The following CHSY1 variants were observed in gnomAD, a reference collection of about 807,000 sequenced individuals.
The protein encoded by CHSY1 is N-acetylgalactosaminyl-proteoglycan 3-beta-glucuronosyltransferase 1.
Under a neutral mutation model 59.8 loss-of-function variants are expected in CHSY1, and 13 were observed. That is an observed-to-expected ratio of 0.22 (90% CI 0.14 to 0.35). The LOEUF is 0.35. CHSY1 is among the 10% of genes least tolerant of loss of function. The pLI is 1.00. For missense variants in CHSY1, 947 were observed against 1,030.6 expected (o/e 0.92, Z 1.11); for synonymous variants, 459 against 401.2 (o/e 1.14, Z -1.72).
At chr15:101,203,597 A>G (rs913142617) in intron 2 of CHSY1, among the ~76,000 whole-genome samples, 1 of 152,198 alleles carries the variant, frequency 6.6e-6, no homozygotes, top group Non-Finnish European at 1.5e-5. Flanking sequence ...ATATTTCCCT[A>G]TAAGGTATTT....
At chr15:101,209,921 A>G (rs2038667449) in intron 2 of CHSY1, among the ~76,000 whole-genome samples, 1 of 152,250 alleles carries the variant, frequency 6.6e-6, no homozygotes, top group African/African-American at 2.4e-5. Flanking sequence ...TACAAAAAGT[A>G]TACAAGTGCC....
intron 1 of CHSY1, among the ~76,000 whole-genome samples, chr15:101,248,127 C>G (rs1285514578): frequency 6.6e-6 from 1 of 152,150 alleles, no homozygotes; most frequent in Non-Finnish European, 1.5e-5. Context: ...AAGCTCAGCA[C>G]ATCGATTTCC....
chr15:101,239,384 A>C lies in CHSY1; in HGVS notation c.321-3807T>G, dbSNP rs545719448. Reference sequence around the variant, plus strand: ...GCGAGACAATTCCTGCCTTCAAAGAACAACCAACTAAGGAGGCGAATCTAC... The same window carrying C: ...GCGAGACAATTCCTGCCTTCAAAGACCAACCAACTAAGGAGGCGAATCTAC... On this transcript the variant is annotated intron_variant, in intron 1 of 2. Coordinates refer to ENST00000254190, the MANE Select transcript of CHSY1 (RefSeq NM_014918.5). Among the ~76,000 whole-genome samples, 3 of 152,342 alleles carry C rather than the reference A, an allele frequency of 2.0e-5. No homozygotes were observed. In the East Asian group the frequency reaches 5.8e-4, roughly 29 times the overall value.
At chr15:101,186,607 G>C (rs560861794) in intron 2 of CHSY1, 2 of 151,886 alleles carry the variant, frequency 1.3e-5, no homozygotes, top group Admixed American at 1.3e-4. Flanking sequence ...GATTCAAGAT[G>C]AGCTTGGGCA....
In CHSY1 at chr15:101,177,937, C is replaced by T; in HGVS notation, c.1860G>A (p.Gln620=). 1.9e-6 allele frequency: 3 copies of T among 1,614,194 alleles called. No individual in the cohort carries two copies. The highest frequency in any genetic ancestry group is 2.2e-5 in the East Asian group (1 of 44,882). The stretch of plus-strand genomic sequence containing the variant: ...AGAAGAGCAAAGATTCATTGTTAAA[C>T]TGGGAGGATCCTACTTCCAGGGCCA... The part of the protein sequence containing the change: ...RALALEVGSS[Q]FNNESLLFFC... The change falls in exon 3 of 3, where the codon CAG becomes CAA. Residue 620 remains glutamine (Q), a synonymous_variant. Transcript: ENST00000254190.
At chr15:101,209,085 AAGAC>A (rs2038657388) in intron 2 of CHSY1, among the ~76,000 whole-genome samples, 1 of 152,178 alleles carries the variant, frequency 6.6e-6, no homozygotes, top group South Asian at 2.1e-4. Flanking sequence ...TAAATATAAA[AAGAC>A]AGAGAGTAAC....
intron 2 of CHSY1, among the ~76,000 whole-genome samples, chr15:101,216,406 G>A (rs910164748): frequency 6.6e-6 from 1 of 152,190 alleles, no homozygotes; most frequent in Non-Finnish European, 1.5e-5. Context: ...TTACCCAACT[G>A]ATTTAAAAAT....
At chr15:101,220,949 G>C (rs994239254) in intron 2 of CHSY1, among the ~76,000 whole-genome samples, 2 of 152,148 alleles carry the variant, frequency 1.3e-5, no homozygotes, top group Non-Finnish European at 2.9e-5. Flanking sequence ...TATCATGCTT[G>C]TATTGCTTCA....
At chr15:101,189,633 C>G (rs140740326) in intron 2 of CHSY1, 1 of 188,708 alleles carries the variant, frequency 5.3e-6, no homozygotes, top group African/African-American at 2.4e-5. Flanking sequence ...GAAATACAAG[C>G]CAAAGTATAT....
chr15:101,200,241 G>C (rs1412901034), intron 2 of CHSY1, among the ~76,000 whole-genome samples: 1 of 151,970 alleles, frequency 6.6e-6, no homozygotes, highest in Non-Finnish European at 1.5e-5. Context: ...TCATTTTAAA[G>C]AGTATCCACG....
intron 1 of CHSY1, among the ~76,000 whole-genome samples, chr15:101,248,038 GTTTT>G (rs745989469): frequency 6.6e-6 from 1 of 151,380 alleles, no homozygotes; most frequent in Non-Finnish European, 1.5e-5. Context: ...AACAACAGTT[GTTTT>G]TTTGTTTTTT....
chr15:101,249,510 A>ATTTTT (rs34753057), intron 1 of CHSY1, among the ~76,000 whole-genome samples: 1,331 of 113,002 alleles, frequency 0.012, 113 homozygotes, highest in African/African-American at 0.046. Context: ...GATAGATAGA[A>ATTTTT]TTTTTTTTTT....
At chr15:101,248,568 G>A (rs72768601) in intron 1 of CHSY1, among the ~76,000 whole-genome samples, 3 of 152,088 alleles carry the variant, frequency 2.0e-5, no homozygotes, top group African/African-American at 7.2e-5. Context: ...GGTGTCAAAA[G>A]AAAGGGAGAA....
chr15:101,222,758 G>C (rs2038802766), intron 2 of CHSY1, among the ~76,000 whole-genome samples: 1 of 152,184 alleles, frequency 6.6e-6, no homozygotes, highest in Non-Finnish European at 1.5e-5. Flanking sequence ...ACTATGCAGA[G>C]CTGATGTGTC....
intron 2 of CHSY1, among the ~76,000 whole-genome samples, chr15:101,217,736 T>C (rs912385410): frequency 6.6e-6 from 1 of 152,268 alleles, no homozygotes; most frequent in Middle Eastern, 3.4e-3. Context: ...CATATTGACA[T>C]AACTGAACAA....
intron 1 of CHSY1, among the ~76,000 whole-genome samples, chr15:101,236,618 G>A (rs141263441): frequency 0.013 from 2,041 of 151,552 alleles, 31 homozygotes; most frequent in East Asian, 0.045. Context: ...TCAGGAGATT[G>A]AGACCATCCT....
At chr15:101,197,321 G>C (rs2038519398) in intron 2 of CHSY1, among the ~76,000 whole-genome samples, 1 of 152,162 alleles carries the variant, frequency 6.6e-6, no homozygotes, top group Admixed American at 6.5e-5. Context: ...TTAAGCTTTG[G>C]TAACTAATCA....
At chr15:101,246,543 AACAG>A (rs1350830452) in intron 1 of CHSY1, among the ~76,000 whole-genome samples, 6 of 152,326 alleles carry the variant, frequency 3.9e-5, no homozygotes, top group Admixed American at 2.0e-4. Context: ...CTGGCACAAG[AACAG>A]ACAGAAAGTT....
In CHSY1 at chr15:101,178,686, C is replaced by T. The variant is rs1596419433; in HGVS notation, c.1111G>A (p.Glu371Lys). 6.8e-6 allele frequency: 11 copies of T among 1,614,262 alleles called. No homozygotes were observed. The highest frequency in any genetic ancestry group is 6.8e-6 in the Non-Finnish European group (8 of 1,180,052). ...AGAAACTCCCATTCCAGAATCTCCT[C>T]TCGCTGGCGGGGCTGAAACCTCATG... ...SFMRFQPRQR[E>K]EILEWEFLTG... Residue 371 changes from glutamate to lysine, a missense_variant, in exon 3 of 3, where the codon GAG (glutamate) becomes AAG (lysine). Glu to Lys is a moderately conservative substitution (Grantham distance 56, BLOSUM62 1). Coordinates refer to ENST00000254190, the MANE Select transcript of CHSY1 (RefSeq NM_014918.5).
Sources: allele counts gnomAD v4.1 joint callset (sites outside exome capture counted in the v4.1 genomes callset), GRCh38; gene constraint gnomAD v4.1.1; transcripts MANE v1.5; gene names NCBI Gene and HGNC (gene_info 2026-07-23, HGNC 2026-07-21).